CACNA1C: variants seen among roughly 807,000 people sequenced by gnomAD.
CACNA1C encodes the protein voltage-dependent L-type calcium channel subunit alpha-1C.
A neutral mutation model predicts 229.0 loss-of-function variants in CACNA1C; 30 were observed. That is an observed-to-expected ratio of 0.13 (90% confidence interval 0.10 to 0.18). The LOEUF (loss-of-function observed/expected upper bound fraction) is 0.18. Among genes scored for constraint, CACNA1C ranks in the 10% least tolerant of loss-of-function variants. The pLI, the probability that CACNA1C is intolerant of heterozygous loss-of-function variation, is 1.00. For synonymous variants in CACNA1C, 1,114 were observed against 1,132.5 expected (o/e 0.98, Z 0.33); for missense variants, 1,658 against 2,845.0 (o/e 0.58, Z 9.49).
chr12:2,027,136 G>A lies in CACNA1C; in HGVS notation c.139+55935G>A, dbSNP rs182177643. 2.3e-3 allele frequency among the ~76,000 whole-genome samples: 354 copies of A among 152,274 alleles called. 1 individual carries two copies. Among genetic ancestry groups the A allele is most frequent in the African/African-American group, 8.1e-3 (337 of 41,562 alleles). On this transcript the variant is annotated intron_variant, in intron 1 of 46. Coordinates refer to the CACNA1C transcript ENST00000682462. ...CTGGGGAGCAGGGGTGTAAAGAAAA[G>A]GAAAATGTTTCCTGGTTTAAACTCT...
chr12:2,326,320 A>C (rs1488369125), intron 3 of CACNA1C, among the ~76,000 whole-genome samples: 1 of 152,224 alleles, frequency 6.6e-6, no homozygotes, highest in Non-Finnish European at 1.5e-5. Context: ...TTAAAACTGC[A>C]CATTTTGAAA....
intron 1 of CACNA1C, among the ~76,000 whole-genome samples, chr12:2,113,140 C>T (rs2082412467): frequency 6.6e-6 from 1 of 152,214 alleles, no homozygotes; most frequent in Admixed American, 6.5e-5. Flanking sequence ...CCTGTCTCAC[C>T]TGCCTCACCT....
In CACNA1C at chr12:2,501,077, C is replaced by T. The variant is rs190072328; in HGVS notation, c.1114-3765C>T. Among the ~76,000 whole-genome samples, 690 of 150,892 alleles carry T rather than the reference C, an allele frequency of 4.6e-3. 9 individuals are homozygous for T. Among genetic ancestry groups the T allele is most frequent in the African/African-American group, 0.016 (647 of 41,104 alleles). ...AAAAAAAATTAGCCAGGTGTGGTGG[C>T]GGGTGCCTGTAGTCCCTGCTACTCG... On this transcript the variant is annotated intron_variant, in intron 7 of 46. Transcript: ENST00000399655.
chr12:2,050,957 C>A (rs1387458508), upstream of CACNA1C, among the ~76,000 whole-genome samples: 3 of 152,152 alleles, frequency 2.0e-5, no homozygotes, highest in Non-Finnish European at 2.9e-5. Flanking sequence ...CTGCTCTAGG[C>A]ACTGGTGAAC....
chr12:2,572,473 CT>C, intron 13 of CACNA1C, among the ~76,000 whole-genome samples: 1 of 69,466 alleles, frequency 1.4e-5, no homozygotes, highest in Non-Finnish European at 2.9e-5. Flanking sequence ...CCTCTTCCTC[CT>C]TCTCCTCTTC....
At chr12:2,618,052 G>A (rs563900154) in intron 29 of CACNA1C, among the ~76,000 whole-genome samples, 1 of 152,364 alleles carries the variant, frequency 6.6e-6, no homozygotes, top group Admixed American at 6.5e-5. Context: ...CTGTGCAGAT[G>A]CAAGGGGACT....
In CACNA1C at chr12:1,988,059, G is replaced by A. The variant is rs2038310442; in HGVS notation, c.139+16858G>A. Among the ~76,000 whole-genome samples the A allele has an allele frequency of 1.3e-5, 2 of 152,122 alleles. 1 individual carries two copies. The highest frequency in any genetic ancestry group is 4.2e-4 in the South Asian group (2 of 4,818). On this transcript the variant is annotated intron_variant, in intron 1 of 46. Transcript: ENST00000682462. ...TCCAGTTGCACAGGGGTCATTACGG[G>A]ACTCTTCACCTTTGCTCTGGGAGAT...
At chr12:2,500,369 G>A (rs1221269904) in intron 7 of CACNA1C, among the ~76,000 whole-genome samples, 1 of 152,216 alleles carries the variant, frequency 6.6e-6, no homozygotes, top group Non-Finnish European at 1.5e-5. Flanking sequence ...CCCAGACTAA[G>A]CTCGGGCCTT....
chr12:2,340,813 C>T (rs951372823), intron 3 of CACNA1C, among the ~76,000 whole-genome samples: 1 of 152,044 alleles, frequency 6.6e-6, no homozygotes, highest in African/African-American at 2.4e-5. Flanking sequence ...AAAAATTAGC[C>T]GGGCGTGGTG....
chr12:2,248,237 T>C (rs544286368), intron 3 of CACNA1C, among the ~76,000 whole-genome samples: 2 of 152,340 alleles, frequency 1.3e-5, no homozygotes, highest in African/African-American at 4.8e-5. Flanking sequence ...GACTCTGCTC[T>C]ATAAATATAA....
At position 2,538,996 on chromosome 12, in the gene CACNA1C, C is replaced by T. The variant is rs966421658; in HGVS notation, c.1391-10947C>T. Among the ~76,000 whole-genome samples, 52 of 152,324 alleles carry T rather than the reference C, an allele frequency of 3.4e-4. 1 individual carries two copies. Among genetic ancestry groups the T allele is most frequent in the Non-Finnish European group, 2.5e-4 (17 of 68,034 alleles). ...AGCCTGCAAATGTGCATTTCAGCGA[C>T]GTCGCCTGATGGGGCTGAAAAAGGC... On this transcript the variant is annotated intron_variant, in intron 9 of 46. Coordinates refer to ENST00000399655, the MANE Select transcript of CACNA1C (RefSeq NM_000719.7).
intron 3 of CACNA1C, among the ~76,000 whole-genome samples, chr12:2,393,603 A>G (rs1045254851): frequency 1.3e-5 from 2 of 152,206 alleles, no homozygotes; most frequent in African/African-American, 2.4e-5. Flanking sequence ...AGAGGATAAA[A>G]ATACTTACTG....
intron 2 of CACNA1C, among the ~76,000 whole-genome samples, chr12:2,119,044 C>T (rs2239130): frequency 0.59 from 89,719 of 152,018 alleles, 28,160 homozygotes; most frequent in Non-Finnish European, 0.69. Context: ...CCCCTTAACA[C>T]GTCAGAAGGC....
chr12:2,164,791 G>T (rs971154151), intron 3 of CACNA1C, among the ~76,000 whole-genome samples: 2 of 152,184 alleles, frequency 1.3e-5, no homozygotes, highest in African/African-American at 4.8e-5. Flanking sequence ...TCAGAAACAT[G>T]GAGTTAATGC....
chr12:2,193,856 G>A lies in CACNA1C; in HGVS notation c.477+73426G>A, dbSNP rs148350413. ...TTCATTTTGTCCTCAGAGGAGGAAC[G>A]TGTCCTCTCTTCCCTAGGACGTCTG... On this transcript the variant is annotated intron_variant, in intron 3 of 46. Coordinates refer to ENST00000399655, the MANE Select transcript of CACNA1C (RefSeq NM_000719.7). Among the ~76,000 whole-genome samples the A allele has an allele frequency of 4.8e-3, 727 of 152,312 alleles. 4 individuals are homozygous for A. Among genetic ancestry groups the A allele is most frequent in the Non-Finnish European group, 6.7e-3 (459 of 68,018 alleles).
chr12:2,254,678 T>C (rs2076738685), intron 3 of CACNA1C, among the ~76,000 whole-genome samples: 1 of 152,136 alleles, frequency 6.6e-6, no homozygotes, highest in Non-Finnish European at 1.5e-5. Context: ...AAAAAGCCAC[T>C]CAAACTACTC....
chr12:2,447,499 C>G (rs1348903418), intron 3 of CACNA1C, among the ~76,000 whole-genome samples: 1 of 152,178 alleles, frequency 6.6e-6, no homozygotes, highest in Non-Finnish European at 1.5e-5. Context: ...AGCTTCATAG[C>G]CAGATGATCT....
At chr12:1,989,922 A>T (rs1217534903) in intron 1 of CACNA1C, among the ~76,000 whole-genome samples, 2 of 152,246 alleles carry the variant, frequency 1.3e-5, no homozygotes, top group Admixed American at 1.3e-4. Flanking sequence ...GGTAAAAACT[A>T]ATCTCTCTAA....
At chr12:2,657,008 G>A (rs1465325207) in intron 34 of CACNA1C, among the ~76,000 whole-genome samples, 2 of 152,162 alleles carry the variant, frequency 1.3e-5, no homozygotes, top group Non-Finnish European at 2.9e-5. Context: ...TCTAAATACA[G>A]TCTAATCAGC....
Sources: gnomAD v4.1 joint callset for allele counts (sites outside exome capture counted in the v4.1 genomes callset) on GRCh38, gnomAD v4.1.1 for gene constraint, MANE v1.5 for transcripts, NCBI Gene and HGNC (gene_info 2026-07-23, HGNC 2026-07-21) for gene names.